Variants in ACSBG2 observed in about 807,000 individuals in gnomAD.
The protein encoded by ACSBG2 is long-chain-fatty-acid--CoA ligase ACSBG2.
A neutral mutation model predicts 74.7 loss-of-function variants in ACSBG2; 62 were observed. That is an observed-to-expected ratio of 0.83 (90% CI 0.68 to 1.03). ACSBG2 has a LOEUF of 1.03. Ranked by LOEUF, ACSBG2 falls within the 50% of genes least tolerant of loss-of-function variation. The probability of loss-of-function intolerance (pLI) is 0.00; values close to 1 mark genes in which losing one functional copy is unlikely to be tolerated. For missense variants in ACSBG2, 730 were observed against 817.6 expected (o/e 0.89, Z 1.31); for synonymous variants, 309 against 294.1 (o/e 1.05, Z -0.52).
At chr19:6,183,708 G>A (rs986260288) in intron 10 of ACSBG2, among the ~76,000 whole-genome samples, 1 of 152,190 alleles carries the variant, frequency 6.6e-6, no homozygotes, top group African/African-American at 2.4e-5. Flanking sequence ...TCTGAGAGCT[G>A]TCAGTCATAG....
At chr19:6,157,402 C>A (rs2089461697) in intron 5 of ACSBG2, among the ~76,000 whole-genome samples, 1 of 152,082 alleles carries the variant, frequency 6.6e-6, no homozygotes, top group Non-Finnish European at 1.5e-5. Flanking sequence ...CCAAAAAATA[C>A]AAAATTTAGC....
chr19:6,189,575 T>C (rs929737807), intron 13 of ACSBG2, among the ~76,000 whole-genome samples: 1 of 152,114 alleles, frequency 6.6e-6, no homozygotes, highest in African/African-American at 2.4e-5. Context: ...GTTACCCAGG[T>C]TGGAGTACGA....
At chr19:6,172,764 A>G (rs2089996069) in intron 7 of ACSBG2, among the ~76,000 whole-genome samples, 1 of 152,114 alleles carries the variant, frequency 6.6e-6, no homozygotes, top group Non-Finnish European at 1.5e-5. Flanking sequence ...AGTCCAGTAG[A>G]TCGCACTTAA....
intron 10 of ACSBG2, 21 bp downstream of exon 10, chr19:6,183,293 C>T: frequency 6.2e-7 from 1 of 1,604,046 alleles, no homozygotes; most frequent in Non-Finnish European, 8.5e-7. Flanking sequence ...CCGGGGCAGA[C>T]CCCTGCTCCT....
At chr19:6,176,999 A>T (rs946292021) in intron 7 of ACSBG2, among the ~76,000 whole-genome samples, 3 of 151,760 alleles carry the variant, frequency 2.0e-5, no homozygotes, top group African/African-American at 7.3e-5. Context: ...CTACAAAAAA[A>T]GTTAAAAAAA....
At chr19:6,179,458 CCTGA>C (rs943105827) in intron 8 of ACSBG2, among the ~76,000 whole-genome samples, 10 of 151,992 alleles carry the variant, frequency 6.6e-5, no homozygotes, top group African/African-American at 1.4e-4. Flanking sequence ...TGCCACCATG[CCTGA>C]CTAATTTGTT....
At position 6,187,836 on chromosome 19, in the gene ACSBG2, G is replaced by A; in HGVS notation, c.1918G>A (p.Gly640Arg). Residue 640 changes from glycine to arginine, a missense_variant, in exon 13 of 15, where the codon GGA (glycine) becomes AGA (arginine). Physicochemically the swap from Gly to Arg is moderately radical, Grantham distance 125. Coordinates refer to ENST00000588485, the MANE Select transcript of ACSBG2 (RefSeq NM_030924.5). ...GGAGAAGGACTTTTCCATCTATGGT[G>A]GAGAGCTAGGTGAGTGGCCATGACA... is the stretch of plus-strand genomic sequence containing the variant. ...ILEKDFSIYG[G>R]ELGPMMKLKR... The A allele has an allele frequency of 2.5e-6, 4 of 1,614,094 alleles. No individual in the cohort carries two copies. The highest frequency in any genetic ancestry group is 3.4e-6 in the Non-Finnish European group (4 of 1,179,988).
intron 5 of ACSBG2, among the ~76,000 whole-genome samples, 192 bp from the exon 6 acceptor site, chr19:6,161,023 C>T (rs924507772): frequency 1.4e-4 from 21 of 151,302 alleles, no homozygotes; most frequent in Admixed American, 8.6e-4. Context: ...TGGCTTCAAC[C>T]CGGGAGGCGG....
At chr19:6,172,930 T>C (rs1317872301) in intron 7 of ACSBG2, among the ~76,000 whole-genome samples, 1 of 152,112 alleles carries the variant, frequency 6.6e-6, no homozygotes, top group Non-Finnish European at 1.5e-5. Context: ...GCAGTCCGCT[T>C]CTCTATCACA....
intron 3 of ACSBG2, among the ~76,000 whole-genome samples, chr19:6,151,113 CAAAA>C (rs1332726831): frequency 6.8e-5 from 4 of 58,982 alleles, no homozygotes; most frequent in Admixed American, 1.9e-4. Flanking sequence ...GACTCTGTCT[CAAAA>C]AAAAAAAAAA....
chr19:6,184,514 T>C (rs917103043), intron 10 of ACSBG2, among the ~76,000 whole-genome samples: 8 of 151,870 alleles, frequency 5.3e-5, no homozygotes, highest in Admixed American at 1.3e-4. Context: ...CCTGGGACCA[T>C]TGGCCTTGCT....
Position 6,184,874 on chromosome 19 carries a change from GA to G in ACSBG2, c.1323-557del, listed in dbSNP as rs1305163415. On this transcript the variant is annotated intron_variant, in intron 10 of 14. Transcript: ENST00000588485. ...AAAAAAAAAAAAAAAAAAAAAAAAC[GA>G]AAAACAGCCTGCAATGCTGCTGGAT... Among the ~76,000 whole-genome samples the G allele has an allele frequency of 6.1e-5, 3 of 49,222 alleles. No individual in the cohort carries two copies. The South Asian group carries it at 2.3e-3, about 38-fold the overall frequency. 32.3% of individuals were successfully genotyped at this position (49,222 alleles called of 152,430 possible). A position where few individuals can be genotyped will look rare whatever the true frequency, so the allele number is the denominator to read the frequency against.
intron 7 of ACSBG2, among the ~76,000 whole-genome samples, chr19:6,171,921 T>C (rs1303306242): frequency 6.6e-6 from 1 of 152,182 alleles, no homozygotes; most frequent in Non-Finnish European, 1.5e-5. Context: ...ATTTCTTTTT[T>C]CTTTACTTTT....
intron 1 of ACSBG2, chr19:6,137,262 A>G (rs912930337): frequency 6.7e-6 from 1 of 149,562 alleles, no homozygotes; most frequent in African/African-American, 2.5e-5. Context: ...CGGCCTGGGC[A>G]ATATAGCGAG....
intron 7 of ACSBG2, chr19:6,175,891 G>A (rs1240769260): frequency 6.5e-6 from 1 of 153,542 alleles, no homozygotes; most frequent in African/African-American, 2.4e-5. Context: ...GACCTGAGAA[G>A]CCTCTGTCCC....
chr19:6,161,120 G>C (rs886773201), intron 5 of ACSBG2, 95 bp from the exon 6 acceptor site: 7 of 901,876 alleles, frequency 7.8e-6, no homozygotes, highest in African/African-American at 5.2e-5. Context: ...AAAGAGGCTA[G>C]AGTTGCTGGA....
chr19:6,143,232 G>A (rs79980114), intron 2 of ACSBG2, among the ~76,000 whole-genome samples: 239 of 151,242 alleles, frequency 1.6e-3, no homozygotes, highest in African/African-American at 5.7e-3. Context: ...TTAACAAAGC[G>A]CCCCAAAGTG....
intron 8 of ACSBG2, among the ~76,000 whole-genome samples, chr19:6,181,288 A>T: frequency 1.8e-5 from 2 of 111,224 alleles, no homozygotes; most frequent in East Asian, 2.9e-4. Flanking sequence ...AAGGGAGGGG[A>T]GGGGAGGGGA....
chr19:6,144,884 C>T (rs1390123327), intron 2 of ACSBG2, among the ~76,000 whole-genome samples: 4 of 151,860 alleles, frequency 2.6e-5, no homozygotes, highest in East Asian at 1.9e-4. Context: ...TTAATAGAGA[C>T]GAGGTTTCAC....
Sources: gnomAD v4.1 joint callset for allele counts (sites outside exome capture counted in the v4.1 genomes callset) on GRCh38, gnomAD v4.1.1 for gene constraint, MANE v1.5 for transcripts, NCBI Gene and HGNC (gene_info 2026-07-23, HGNC 2026-07-21) for gene names.